NKAIN3: variants seen among roughly 807,000 people sequenced by gnomAD.
The protein encoded by NKAIN3 is sodium/potassium transporting ATPase interacting 3, also known as sodium/potassium-transporting ATPase subunit beta-1-interacting protein 3.
Under a neutral mutation model 30.2 loss-of-function variants are expected in NKAIN3, and 25 were observed. The ratio of observed to expected loss-of-function variants is 0.83; its 90% CI spans 0.60 to 1.16. The LOEUF (loss-of-function observed/expected upper bound fraction) is 1.16. NKAIN3 is among the 50% of genes most tolerant of loss of function. The pLI is 0.00. For missense variants in NKAIN3, 225 were observed against 254.1 expected (o/e 0.89, Z 0.78); for synonymous variants, 91 against 89.6 (o/e 1.02, Z -0.09).
intron 6 of NKAIN3, among the ~76,000 whole-genome samples, chr8:62,962,490 A>G (rs944162659): frequency 6.6e-6 from 1 of 152,228 alleles, no homozygotes; most frequent in African/African-American, 2.4e-5. Context: ...AAAGAAGAAA[A>G]GAAATTCTTA....
In NKAIN3 at chr8:62,937,600, G is replaced by A. The variant is rs529760221; in HGVS notation, c.533-16302G>A. Among the ~76,000 whole-genome samples, 35 of 152,086 alleles carry A rather than the reference G, an allele frequency of 2.3e-4. No individual in the cohort carries two copies. The South Asian group carries it at 5.8e-3, about 25-fold the overall frequency. On this transcript the variant is annotated intron_variant, in intron 5 of 6. Transcript: ENST00000623646. ...GGGGACCTTGGGGAGGGCTGCCAGC[G>A]GAATTGGGGAAAAACTACGAGGAGA...
chr8:62,865,578 G>C (rs1382683213), intron 4 of NKAIN3, among the ~76,000 whole-genome samples: 2 of 152,156 alleles, frequency 1.3e-5, no homozygotes, highest in African/African-American at 4.8e-5. Context: ...TGTGTTGTGT[G>C]ACATGCAAAT....
At chr8:62,600,767 G>T (rs1457979445) in intron 3 of NKAIN3, among the ~76,000 whole-genome samples, 1 of 152,012 alleles carries the variant, frequency 6.6e-6, no homozygotes, top group South Asian at 2.1e-4. Context: ...TAAATTTTTT[G>T]ACTTAAATTG....
chr8:62,596,042 T>C (rs1427439677), intron 3 of NKAIN3, among the ~76,000 whole-genome samples: 1 of 152,084 alleles, frequency 6.6e-6, no homozygotes, highest in Non-Finnish European at 1.5e-5. Context: ...ATATGCTTGA[T>C]AGTTTTGAAA....
intron 1 of NKAIN3, among the ~76,000 whole-genome samples, chr8:62,446,378 T>C (rs1052423473): frequency 6.6e-6 from 1 of 152,106 alleles, no homozygotes; most frequent in Admixed American, 6.6e-5. Context: ...TAGCAATAAA[T>C]AATTTAAATA....
intron 1 of NKAIN3, among the ~76,000 whole-genome samples, chr8:62,389,622 A>C (rs188352688): frequency 6.6e-6 from 1 of 152,220 alleles, no homozygotes; most frequent in Non-Finnish European, 1.5e-5. Flanking sequence ...GAAAGGGAAA[A>C]CTGAGTAAGT....
At chr8:62,296,224 C>A (rs1043157051) in intron 1 of NKAIN3, among the ~76,000 whole-genome samples, 5 of 152,152 alleles carry the variant, frequency 3.3e-5, no homozygotes, top group African/African-American at 1.2e-4. Context: ...ATGTTTGCTG[C>A]TATTTCCTGC....
At chr8:62,409,001 A>C (rs1435482475) in intron 1 of NKAIN3, among the ~76,000 whole-genome samples, 1 of 152,176 alleles carries the variant, frequency 6.6e-6, no homozygotes, top group Non-Finnish European at 1.5e-5. Flanking sequence ...AATGGTTTTG[A>C]AGAATTATTA....
intron 1 of NKAIN3, among the ~76,000 whole-genome samples, chr8:62,378,129 C>T (rs755724411): frequency 1.1e-4 from 16 of 152,210 alleles, no homozygotes; most frequent in African/African-American, 2.2e-4. Context: ...TGGTGTCAGT[C>T]GGAGGTGAGG....
intron 5 of NKAIN3, among the ~76,000 whole-genome samples, chr8:62,930,316 C>T (rs1822579917): frequency 1.3e-5 from 2 of 152,132 alleles, no homozygotes; most frequent in Admixed American, 6.5e-5. Flanking sequence ...TGTGATGGTG[C>T]GATCTTAGCT....
chr8:62,528,350 T>TTATATAATATATATAATATATA (rs56144773), intron 1 of NKAIN3, among the ~76,000 whole-genome samples: 5 of 137,394 alleles, frequency 3.6e-5, no homozygotes, highest in African/African-American at 1.4e-4. Flanking sequence ...AATATATATA[T>TTATATAATATATATAATATATA]ATATGACTTT....
At position 62,449,877 on chromosome 8, in the gene NKAIN3, T is replaced by C. The variant is rs1175442703; in HGVS notation, c.55-129662T>C. Among the ~76,000 whole-genome samples the C allele has an allele frequency of 2.0e-5, 3 of 152,102 alleles. No individual in the cohort carries two copies. The East Asian group carries it at 5.8e-4, about 29-fold the overall frequency. On this transcript the variant is annotated intron_variant, in intron 1 of 6. Transcript: ENST00000623646. ...TCCTGGGATTACGATCAGTCAACCA[T>C]GGTTATAAATGGCTTTGGTTGTAGA... is the stretch of plus-strand genomic sequence containing the variant.
chr8:62,680,764 C>G (rs1199356018), intron 3 of NKAIN3, among the ~76,000 whole-genome samples: 1 of 151,996 alleles, frequency 6.6e-6, no homozygotes, highest in Non-Finnish European at 1.5e-5. Flanking sequence ...AAATGCTTCA[C>G]CAAACTTTTA....
intron 3 of NKAIN3, among the ~76,000 whole-genome samples, chr8:62,699,755 G>T (rs1258925741): frequency 6.6e-6 from 1 of 152,138 alleles, no homozygotes; most frequent in Non-Finnish European, 1.5e-5. Flanking sequence ...CCACAGAAGG[G>T]TAAAGTCATA....
rs533385223 is a variant in NKAIN3 at position 62,340,882 on chromosome 8, T to G, written c.54+91755T>G. On this transcript the variant is annotated intron_variant, in intron 1 of 6. Transcript: ENST00000623646. The stretch of plus-strand genomic sequence containing the variant: ...GGGCTTAGGGGAGCCTAATGAAAGT[T>G]TGGTCAAGGAAAGCGTCTTGTCATC... 1.9e-3 allele frequency among the ~76,000 whole-genome samples: 289 copies of G among 150,112 alleles called. 3 individuals are homozygous for G. The highest frequency in any genetic ancestry group is 7.0e-3 in the African/African-American group (281 of 40,396).
intron 1 of NKAIN3, among the ~76,000 whole-genome samples, chr8:62,569,603 C>G (rs1262365955): frequency 6.6e-6 from 1 of 151,938 alleles, no homozygotes; most frequent in Non-Finnish European, 1.5e-5. Flanking sequence ...TGGTGAAACC[C>G]CTGGTCTACT....
intron 1 of NKAIN3, among the ~76,000 whole-genome samples, chr8:62,329,842 T>C (rs1162566056): frequency 1.3e-5 from 2 of 152,014 alleles, no homozygotes; most frequent in African/African-American, 4.8e-5. Context: ...TTATTTTCCT[T>C]TGAGTATATA....
At chr8:62,542,058 G>C (rs372009027) in intron 1 of NKAIN3, among the ~76,000 whole-genome samples, 4 of 152,130 alleles carry the variant, frequency 2.6e-5, no homozygotes, top group East Asian at 3.9e-4. Context: ...AGTACTCATA[G>C]GTCTTTTCTC....
chr8:62,673,554 TATAGTCATGC>T (rs1295741114), intron 3 of NKAIN3, among the ~76,000 whole-genome samples: 1 of 152,206 alleles, frequency 6.6e-6, no homozygotes, highest in Non-Finnish European at 1.5e-5. Context: ...GGGAGCTAGC[TATAGTCATGC>T]ATCACTTAAT....
Sources: allele counts gnomAD v4.1 joint callset (sites outside exome capture counted in the v4.1 genomes callset), GRCh38; gene constraint gnomAD v4.1.1; transcripts MANE v1.5; gene names NCBI Gene and HGNC (gene_info 2026-07-23, HGNC 2026-07-21).